Variants in MEN1 observed in about 807,000 individuals in gnomAD.
The protein encoded by MEN1 is menin.
In MEN1, 6 loss-of-function variants were observed where a neutral mutation model predicts 58.0. The observed-to-expected ratio is 0.10, with a 90% CI of 0.06 to 0.20. The LOEUF is 0.20. MEN1 is among the 10% of genes least tolerant of loss of function. The probability of loss-of-function intolerance (pLI) is 1.00; values close to 1 mark genes in which losing one functional copy is unlikely to be tolerated. For synonymous variants in MEN1, 346 were observed against 350.7 expected (o/e 0.99, Z 0.15); for missense variants, 492 against 818.5 (o/e 0.60, Z 4.87).
At position 64,804,691 on chromosome 11, in the gene MEN1, G is replaced by A. The variant is rs2136088299; in HGVS notation, c.1476C>T (p.Pro492=). The change falls in exon 10 of 10, where the codon CCC becomes CCT. Residue 492 remains proline (P), a synonymous_variant. Transcript: ENST00000450708. The surrounding 1 kb of genome is among the most constrained non-coding windows in gnomAD (Gnocchi z 4.2). The stretch of plus-strand genomic sequence containing the variant: ...CCAGTGCTGGCTTCTTGGGCGGCGG[G>A]GGCTCCTCTGGCTTGGACTCCCGCC... ...GPRRESKPEE[P]PPPKKPALDK... The A allele has an allele frequency of 6.3e-7, 1 of 1,595,054 alleles. No individual in the cohort carries two copies. The highest frequency in any genetic ancestry group is 8.5e-7 in the Non-Finnish European group (1 of 1,176,114).
intron 1 of MEN1, 173 bp from the exon 2 acceptor site, chr11:64,810,305 A>C: frequency 1.7e-6 from 1 of 601,562 alleles, no homozygotes; most frequent in East Asian, 2.8e-5. Flanking sequence ...CCCTCAGCCG[A>C]GACTGCAGAG....
chr11:64,807,313 G>A lies in MEN1; in HGVS notation c.784-94C>T, dbSNP rs974127968. ...AGAGGTGGGGGTCAGAACCAACAGG[G>A]ACCACCCACCATGTGGAAGGGCCAA... On this transcript the variant is annotated intron_variant, in intron 4 of 9. Coordinates refer to ENST00000450708, the MANE Select transcript of MEN1 (RefSeq NM_001370259.2). The surrounding 1 kb of genome is among the most constrained non-coding windows in gnomAD (Gnocchi z 4.9). The A allele has an allele frequency of 2.8e-6, 4 of 1,437,904 alleles. No homozygotes were observed. The highest frequency in any genetic ancestry group is 2.8e-5 in the African/African-American group (2 of 71,682). 89.1% of individuals were successfully genotyped at this position (1,437,904 alleles called of 1,614,324 possible).
chr11:64,806,583 G>C (rs375734267), intron 6 of MEN1, among the ~76,000 whole-genome samples: 21 of 152,282 alleles, frequency 1.4e-4, no homozygotes, highest in African/African-American at 4.8e-4. Context: ...CAGACTGCAG[G>C]GGTGGGGCCT....
rs763160290 is a variant in MEN1 at position 64,804,621 on chromosome 11, G to A, written c.1546C>T (p.Arg516Trp). 4.4e-6 allele frequency: 7 copies of A among 1,606,356 alleles called. No homozygotes were observed. Among genetic ancestry groups the A allele is most frequent in the Non-Finnish European group, 5.9e-6 (7 of 1,177,998 alleles). The change falls in exon 10 of 10, where the codon CGG becomes TGG. Residue 516 changes from arginine (R) to tryptophan (W), a missense_variant. By Grantham distance (101) the Arg-to-Trp change is moderately radical. Transcript: ENST00000450708. The surrounding 1 kb of genome is among the most constrained non-coding windows in gnomAD (Gnocchi z 4.2). ...TGQGAVSGPPRKPPGTVAGTA... is the reference protein window; with the variant it reads ...TGQGAVSGPPWKPPGTVAGTA... ...CCAGCGACAGTCCCAGGAGGCTTCC[G>A]GGGGGGTCCTGACACTGCACCCTGG... is the stretch of plus-strand genomic sequence containing the variant.
Position 64,810,095 on chromosome 11 carries a change from G to A in MEN1, c.15C>T (p.Ala5=), listed in dbSNP as rs757821521. 1.9e-6 allele frequency: 3 copies of A among 1,595,886 alleles called. No individual in the cohort carries two copies. The highest frequency in any genetic ancestry group is 1.1e-5 in the South Asian group (1 of 89,326). MGLK[A]AQKTLFPLRS... ...GCAGCGGGAACAGCGTCTTCTGGGC[G>A]GCCTTCAGCCCCATGGCGGCGGGCG... Residue 5 remains alanine, a synonymous_variant, in exon 2 of 10, where the codon GCC becomes GCT. Coordinates refer to ENST00000450708, the MANE Select transcript of MEN1 (RefSeq NM_001370259.2).
intron 2 of MEN1, among the ~76,000 whole-genome samples, chr11:64,809,381 G>A (rs1477560093): frequency 6.6e-6 from 1 of 151,864 alleles, no homozygotes; most frequent in Non-Finnish European, 1.5e-5. Context: ...CTCATGCTTA[G>A]AACTCCTGTA....
intron 2 of MEN1, 124 bp from the exon 3 acceptor site, chr11:64,808,223 C>T: frequency 1.2e-6 from 1 of 848,796 alleles, no homozygotes; most frequent in South Asian, 1.6e-5. Context: ...ACCTCAGATT[C>T]TCCTGCCCAC....
Position 64,810,515 on chromosome 11 carries a change from T to TC in MEN1, c.-26dup, listed in dbSNP as rs1406195790. On this transcript the variant is annotated splice_region_variant and 5_prime_UTR_variant, in exon 1 of 10. Transcript: ENST00000450708. Reference sequence around the variant, plus strand: ...CTGGCCTCGGTCCCCCTCGCCCACCTCCGCGCTTACATCCCACACTAGGCA... The same window carrying TC: ...CTGGCCTCGGTCCCCCTCGCCCACCTCCCGCGCTTACATCCCACACTAGGCA... 5.3e-6 allele frequency: 1 copy of TC among 190,096 alleles called. No individual in the cohort carries two copies. Among genetic ancestry groups the TC allele is most frequent in the Admixed American group, 5.4e-5 (1 of 18,446 alleles). The allele number at this position is 190,096 out of a possible 1,614,324, so 11.8% of individuals were successfully genotyped here. A position where few individuals can be genotyped will look rare whatever the true frequency, so the allele number is the denominator to read the frequency against.
chr11:64,807,493 GTC>G lies in MEN1; in HGVS notation c.783+57_783+58del. On this transcript the variant is annotated intron_variant, in intron 4 of 9. Coordinates refer to ENST00000450708, the MANE Select transcript of MEN1 (RefSeq NM_001370259.2). The surrounding 1 kb of genome is among the most constrained non-coding windows in gnomAD (Gnocchi z 4.9). ...GGAAGGGAAAGTGCCCCTGCCCAGG[GTC>G]CCACAGCAAGTCAAGTCTGGCCTAG... 6.3e-7 allele frequency: 1 copy of G among 1,589,310 alleles called. No homozygotes were observed. Among genetic ancestry groups the G allele is most frequent in the Middle Eastern group, 1.7e-4 (1 of 5,894 alleles).
intron 2 of MEN1, among the ~76,000 whole-genome samples, chr11:64,809,128 A>C (rs557248811): frequency 2.0e-5 from 3 of 147,296 alleles, no homozygotes; most frequent in Non-Finnish European, 4.5e-5. Context: ...AACCAGCACC[A>C]CGGTGCATGC....
chr11:64,810,292 G>C, intron 1 of MEN1, 160 bp from the exon 2 acceptor site: 1 of 610,796 alleles, frequency 1.6e-6, no homozygotes, highest in Non-Finnish European at 2.9e-6. Flanking sequence ...TTGTCGGTGA[G>C]ACCCCTCAGC....
intron 2 of MEN1, among the ~76,000 whole-genome samples, chr11:64,809,369 G>A (rs888262364): frequency 6.6e-6 from 1 of 151,806 alleles, no homozygotes; most frequent in Admixed American, 6.6e-5. Context: ...CGCCCTCTGT[G>A]TCTCATGCTT....
Position 64,810,061 on chromosome 11 carries a change from C to T in MEN1, c.49G>A (p.Asp17Asn), listed in dbSNP as rs1399824473. The change falls in exon 2 of 10, where the codon GAC becomes AAC. Residue 17 changes from aspartate (D) to asparagine (N), a missense_variant. By Grantham distance (23) the Asp-to-Asn change is conservative (BLOSUM62 1). Around this residue, in one of 5 missense-constraint regions of MEN1, gnomAD observed 335 missense variants for 550.3 expected, o/e 0.61. Coordinates refer to ENST00000450708, the MANE Select transcript of MEN1 (RefSeq NM_001370259.2). ...GCAGCAAACAGGCGCACCACGTCGT[C>T]GATGGAGCGCAGCGGGAACAGCGTC... Reference protein sequence around the residue: ...QKTLFPLRSIDDVVRLFAAEL... With the variant: ...QKTLFPLRSINDVVRLFAAEL... 2 of 1,607,188 alleles carry T rather than the reference C, an allele frequency of 1.2e-6. No individual in the cohort carries two copies. The highest frequency in any genetic ancestry group is 2.2e-5 in the East Asian group (1 of 44,596).
rs1941753916 is a variant in MEN1 at position 64,806,689 on chromosome 11, C to T, written c.913-321G>A. ...GCCCAATGGCCCTCCTCCCCACCTA[C>T]ACCCACCAAGTGAACACCCCCTCTT... On this transcript the variant is annotated intron_variant, in intron 6 of 9. Transcript: ENST00000450708. Among the ~76,000 whole-genome samples, 4 of 123,926 alleles carry T rather than the reference C, an allele frequency of 3.2e-5. No homozygotes were observed. The South Asian group carries it at 1.2e-3, about 37-fold the overall frequency. 81.3% of individuals were successfully genotyped at this position (123,926 alleles called of 152,430 possible). A position where few individuals can be genotyped will look rare whatever the true frequency, so the allele number is the denominator to read the frequency against.
At position 64,804,750 on chromosome 11, in the gene MEN1, C is replaced by T. The variant is rs1312374123; in HGVS notation, c.1417G>A (p.Glu473Lys). 1.3e-6 allele frequency: 2 copies of T among 1,597,114 alleles called. No homozygotes were observed. Among genetic ancestry groups the T allele is most frequent in the Non-Finnish European group, 1.7e-6 (2 of 1,178,746 alleles). Residue 473 changes from glutamate to lysine, a missense_variant, in exon 10 of 10, where the codon GAG (glutamate) becomes AAG (lysine). Glu to Lys is a moderately conservative substitution (Grantham distance 56, BLOSUM62 1). Transcript: ENST00000450708. This position sits in a 1 kb window ranked among gnomAD's most constrained non-coding sequence, Gnocchi z 4.2. ...EAAEAEEPWGEEAREGRRRGP... is the reference protein window; with the variant it reads ...EAAEAEEPWGKEAREGRRRGP... ...CGCCGCCGGCCTTCCCGGGCTTCCT[C>T]GCCCCACGGCTCCTCGGCCTCGGCC...
chr11:64,810,183 C>T (rs1293597247), intron 1 of MEN1, 51 bp from the exon 2 acceptor site: 18 of 1,207,392 alleles, frequency 1.5e-5, no homozygotes, highest in African/African-American at 4.5e-5. Flanking sequence ...GCCGGGGAGC[C>T]TCCTCCCAGG....
intron 2 of MEN1, among the ~76,000 whole-genome samples, chr11:64,809,159 G>A (rs1404910855): frequency 2.0e-5 from 3 of 149,928 alleles, no homozygotes; most frequent in Admixed American, 6.7e-5. Context: ...AGCTACTCAG[G>A]AGGCTGAGGT....
At chr11:64,805,384 C>A (rs959921367) in intron 8 of MEN1, among the ~76,000 whole-genome samples, 186 bp from the exon 9 acceptor site, 7 of 152,210 alleles carry the variant, frequency 4.6e-5, no homozygotes, top group African/African-American at 1.7e-4. Context: ...CCATCCCTAC[C>A]TCCACCCCTC....
In MEN1 at chr11:64,810,073, G is replaced by T; in HGVS notation, c.37C>A (p.Leu13Met). ...LKAAQKTLFP[L>M]RSIDDVVRLF... ...CGCACCACGTCGTCGATGGAGCGCA[G>T]CGGGAACAGCGTCTTCTGGGCGGCC... The change falls in exon 2 of 10, where the codon CTG becomes ATG. Residue 13 changes from leucine to methionine, a missense_variant. Around this residue, in one of 5 missense-constraint regions of MEN1, gnomAD observed 335 missense variants for 550.3 expected, o/e 0.61. Coordinates refer to ENST00000450708, the MANE Select transcript of MEN1 (RefSeq NM_001370259.2). The T allele has an allele frequency of 6.2e-7, 1 of 1,606,602 alleles. No homozygotes were observed.
Sources: allele counts gnomAD v4.1 joint callset (sites outside exome capture counted in the v4.1 genomes callset), GRCh38; gene constraint gnomAD v4.1.1; regional missense constraint gnomAD v4.1.1; non-coding constraint Gnocchi (gnomAD v3.1); transcripts MANE v1.5; gene names NCBI Gene and HGNC (gene_info 2026-07-23, HGNC 2026-07-21).